LGSN: variants seen among roughly 807,000 people sequenced by gnomAD.
LGSN encodes the protein lengsin.
LGSN carries 21 observed loss-of-function variants against 19.5 expected under a neutral mutation model. The observed-to-expected ratio is 1.07, with a 90% CI of 0.76 to 1.55. The LOEUF (loss-of-function observed/expected upper bound fraction) is 1.55. Among genes scored for constraint, LGSN ranks in the 40% most tolerant of loss-of-function variants. The pLI is 0.00. For synonymous variants in LGSN, 257 were observed against 215.6 expected, an observed-to-expected ratio of 1.19 and a Z score of -1.68; for missense variants, 673 against 608.5, an observed-to-expected ratio of 1.11 and a Z score of -1.12.
At chr6:63,440,160 G>C in the LGSN span, among the ~76,000 whole-genome samples, 1 of 152,156 alleles carries the variant, frequency 6.6e-6, no homozygotes, top group Non-Finnish European at 1.5e-5. Flanking sequence ...GACAGCCAAG[G>C]GACCCTGGGG....
At chr6:63,326,786 G>C in the LGSN span, among the ~76,000 whole-genome samples, 21 of 152,118 alleles carry the variant, frequency 1.4e-4, no homozygotes, top group African/African-American at 5.1e-4. Flanking sequence ...CAGAACTCCA[G>C]CTGGCCCGCA....
At chr6:63,400,453 C>A in the LGSN span, among the ~76,000 whole-genome samples, 1 of 152,166 alleles carries the variant, frequency 6.6e-6, no homozygotes, top group East Asian at 1.9e-4. Flanking sequence ...CAGGCCATCT[C>A]GCTAGATAAC....
chr6:63,437,436 T>C, the LGSN span, among the ~76,000 whole-genome samples: 1 of 152,194 alleles, frequency 6.6e-6, no homozygotes, highest in Non-Finnish European at 1.5e-5. Flanking sequence ...GTTTTTGTTT[T>C]TTTGAGACAG....
At chr6:63,429,100 A>G in the LGSN span, among the ~76,000 whole-genome samples, 6 of 152,346 alleles carry the variant, frequency 3.9e-5, no homozygotes, top group East Asian at 1.2e-3. Flanking sequence ...TTAAGCAGTC[A>G]GAGAAAAGCA....
chr6:63,385,787 G>A, the LGSN span, among the ~76,000 whole-genome samples: 2 of 152,116 alleles, frequency 1.3e-5, no homozygotes, highest in Non-Finnish European at 2.9e-5. Flanking sequence ...CAAAATGTAG[G>A]CAAATTCAGA....
the LGSN span, chr6:63,549,076 T>A: frequency 8.4e-6 from 6 of 714,250 alleles, no homozygotes. Flanking sequence ...TCTAGCAAGG[T>A]GGTGATGGTG....
At chr6:63,554,477 C>G in the LGSN span, among the ~76,000 whole-genome samples, 1 of 152,122 alleles carries the variant, frequency 6.6e-6, no homozygotes, top group African/African-American at 2.4e-5. Flanking sequence ...TCTCAGCCTT[C>G]CCATAGCACA....
chr6:63,363,661 A>G, the LGSN span, among the ~76,000 whole-genome samples: 5 of 152,224 alleles, frequency 3.3e-5, no homozygotes, highest in African/African-American at 1.2e-4. Context: ...AAAAGAATAT[A>G]AAGAAACAAA....
At chr6:63,422,257 T>A in the LGSN span, among the ~76,000 whole-genome samples, 1 of 151,946 alleles carries the variant, frequency 6.6e-6, no homozygotes, top group Non-Finnish European at 1.5e-5. Context: ...AGAGACAGGG[T>A]TTCACCATGT....
chr6:63,400,719 C>T, the LGSN span, among the ~76,000 whole-genome samples: 2 of 152,136 alleles, frequency 1.3e-5, no homozygotes, highest in South Asian at 2.1e-4. Flanking sequence ...TTCGGCCGGG[C>T]GTGGTGGCTT....
At chr6:63,417,213 TC>T in the LGSN span, among the ~76,000 whole-genome samples, 279 of 151,924 alleles carry the variant, frequency 1.8e-3, 1 homozygote, top group Non-Finnish European at 3.3e-3. Context: ...TAATACTTCT[TC>T]CCCCCAGCTG....
In LGSN at chr6:63,279,781, G is replaced by T; in HGVS notation, c.*240C>A. On this transcript the variant is annotated 3_prime_UTR_variant, in exon 4 of 4. Coordinates refer to ENST00000370657, the MANE Select transcript of LGSN (RefSeq NM_016571.3). ...CATACACATAGGAAATGACTGACAA[G>T]ATCTGGTAAGTTTGCATATTATAGC... The T allele has an allele frequency of 2.7e-6, 1 of 368,166 alleles. No homozygotes were observed. 22.8% of individuals were successfully genotyped at this position (368,166 alleles called of 1,614,324 possible).
the LGSN span, among the ~76,000 whole-genome samples, chr6:63,502,530 T>C: frequency 3.3e-5 from 5 of 152,150 alleles, no homozygotes; most frequent in Non-Finnish European, 5.9e-5. Context: ...AAAGTTAATA[T>C]AATATATTAA....
the LGSN span, among the ~76,000 whole-genome samples, chr6:63,532,277 G>A: frequency 6.6e-6 from 1 of 152,100 alleles, no homozygotes; most frequent in Admixed American, 6.6e-5. Context: ...CAAATTTTCA[G>A]GAATATTGTC....
chr6:63,483,626 T>C, the LGSN span, among the ~76,000 whole-genome samples: 4 of 152,008 alleles, frequency 2.6e-5, no homozygotes, highest in African/African-American at 9.7e-5. Context: ...CTTTTCTTAT[T>C]GTTTTCTGCA....
chr6:63,434,024 G>A, the LGSN span, among the ~76,000 whole-genome samples: 2 of 152,136 alleles, frequency 1.3e-5, no homozygotes, highest in Non-Finnish European at 2.9e-5. Flanking sequence ...AAAGGCTGGT[G>A]CATCTCCCTG....
the LGSN span, among the ~76,000 whole-genome samples, chr6:63,390,930 C>T: frequency 1.3e-5 from 2 of 150,970 alleles, no homozygotes; most frequent in Non-Finnish European, 2.9e-5. Flanking sequence ...ACTTTCTTAT[C>T]TCTCTCCATT....
chr6:63,434,752 T>TGATCTGG, the LGSN span, among the ~76,000 whole-genome samples: 1 of 151,910 alleles, frequency 6.6e-6, no homozygotes, highest in Non-Finnish European at 1.5e-5. Context: ...TCTCCACAGG[T>TGATCTGG]GCCTCCCATT....
the LGSN span, among the ~76,000 whole-genome samples, chr6:63,467,188 T>C: frequency 1.2e-4 from 18 of 152,278 alleles, no homozygotes; most frequent in Admixed American, 3.3e-4. Flanking sequence ...ATTTGAATTG[T>C]TCTTTATTTC....
Sources: allele counts gnomAD v4.1 joint callset (sites outside exome capture counted in the v4.1 genomes callset), GRCh38; gene constraint gnomAD v4.1.1; transcripts MANE v1.5; gene names NCBI Gene and HGNC (gene_info 2026-07-23, HGNC 2026-07-21).